CACNA1E: variants seen among roughly 807,000 people sequenced by gnomAD.
CACNA1E encodes voltage-dependent R-type calcium channel subunit alpha-1E.
CACNA1E carries 40 observed loss-of-function variants against 259.2 expected under a neutral mutation model. The observed-to-expected ratio is 0.15, with a 90% CI of 0.12 to 0.20. CACNA1E has a LOEUF of 0.20. Among genes scored for constraint, CACNA1E ranks in the 10% least tolerant of loss-of-function variants. CACNA1E has a pLI of 1.00. For missense variants in CACNA1E, 1,874 were observed against 3,040.1 expected, an observed-to-expected ratio of 0.62 and a Z score of 9.02; for synonymous variants, 1,104 against 1,138.5, an observed-to-expected ratio of 0.97 and a Z score of 0.61.
intron 7 of CACNA1E, among the ~76,000 whole-genome samples, chr1:181,657,777 G>A (rs1659325313): frequency 6.6e-6 from 1 of 152,200 alleles, no homozygotes; most frequent in African/African-American, 2.4e-5. Context: ...AAAAACTGAA[G>A]ACATCGTAAA....
chr1:181,748,942 T>C (rs1657349656), intron 25 of CACNA1E, among the ~76,000 whole-genome samples: 2 of 152,334 alleles, frequency 1.3e-5, no homozygotes, highest in South Asian at 4.1e-4. Flanking sequence ...ACCTACCATA[T>C]GCCCTGTCTT....
At chr1:181,334,133 A>C (rs1199334946) in intron 1 of CACNA1E, among the ~76,000 whole-genome samples, 1 of 151,964 alleles carries the variant, frequency 6.6e-6, no homozygotes, top group African/African-American at 2.4e-5. Context: ...CCAGCAGTCA[A>C]CTCTCAGTTT....
intron 1 of CACNA1E, among the ~76,000 whole-genome samples, chr1:181,376,118 A>G (rs1449253283): frequency 6.6e-6 from 1 of 152,166 alleles, no homozygotes; most frequent in African/African-American, 2.4e-5. Flanking sequence ...ATATTTTTTA[A>G]GTGAATGGAG....
rs1306662895 is a variant in CACNA1E at position 181,445,454 on chromosome 1, G to A, written c.434+31874G>A. On this transcript the variant is annotated intron_variant, in intron 2 of 11. Transcript: ENST00000524607. ...CATGCTTCTGGGTTTCAGGGCTGGA[G>A]AGGATGAAGGATAGGAAGTGAGGAT... Among the ~76,000 whole-genome samples, 5 of 151,020 alleles carry A rather than the reference G, an allele frequency of 3.3e-5. No homozygotes were observed. In the East Asian group the frequency reaches 9.6e-4, roughly 29 times the overall value.
chr1:181,511,559 G>C, intron 3 of CACNA1E, 49 bp downstream of exon 3: 1 of 1,599,702 alleles, frequency 6.3e-7, no homozygotes, highest in Non-Finnish European at 8.5e-7. Context: ...AAGGGGGTTG[G>C]TATCATGAGG....
Position 181,790,483 on chromosome 1 carries a change from C to T in CACNA1E, c.5825C>T (p.Ser1942Phe). 1 of 1,613,526 alleles carries T rather than the reference C, an allele frequency of 6.2e-7. No homozygotes were observed. The highest frequency in any genetic ancestry group is 1.3e-5 in the African/African-American group (1 of 75,022). ...GGATACCCTTCGATGAGTCCACTCT[C>T]TCCCCAGGATATATTCCAGTTGGCT... ...RSGYPSMSPL[S>F]PQDIFQLACM... is the part of the protein sequence containing the mutation. Residue 1942 changes from serine to phenylalanine, a missense_variant, in exon 44 of 48, where the codon TCT becomes TTT. By Grantham distance (155) the Ser-to-Phe change is radical. This residue lies in a region of CACNA1E where 542 missense variants were observed against 587.2 expected (regional missense o/e 0.92). Transcript: ENST00000367573.
At chr1:181,519,935 A>G (rs1666867687) in intron 3 of CACNA1E, among the ~76,000 whole-genome samples, 2 of 152,134 alleles carry the variant, frequency 1.3e-5, no homozygotes, top group Admixed American at 6.5e-5. Flanking sequence ...TGATGATGTA[A>G]CCCATCTCAG....
intron 1 of CACNA1E, among the ~76,000 whole-genome samples, chr1:181,410,173 G>A (rs1426560386): frequency 1.3e-5 from 2 of 152,186 alleles, no homozygotes; most frequent in Non-Finnish European, 2.9e-5. Context: ...TTTAAACATC[G>A]TAGGAATGAA....
At chr1:181,749,993 A>AGCAT (rs1657449086) in intron 25 of CACNA1E, among the ~76,000 whole-genome samples, 1 of 152,252 alleles carries the variant, frequency 6.6e-6, no homozygotes, top group Non-Finnish European at 1.5e-5. Flanking sequence ...ACCCTTTATA[A>AGCAT]GCATAACTGT....
intron 33 of CACNA1E, 127 bp from the exon 34 acceptor site, chr1:181,763,279 G>T (rs944949719): frequency 1.3e-6 from 1 of 753,984 alleles, no homozygotes; most frequent in Admixed American, 2.5e-5. Context: ...AGCTGGAATT[G>T]GGGTTAACAA....
intron 6 of CACNA1E, among the ~76,000 whole-genome samples, chr1:181,638,911 C>T (rs1257523418): frequency 4.6e-5 from 7 of 152,188 alleles, no homozygotes; most frequent in Non-Finnish European, 8.8e-5. Flanking sequence ...AACTGTGAGT[C>T]AGTTAAACCT....
intron 7 of CACNA1E, among the ~76,000 whole-genome samples, chr1:181,687,312 T>C (rs1172457116): frequency 6.6e-6 from 1 of 152,218 alleles, no homozygotes; most frequent in African/African-American, 2.4e-5. Context: ...TATGACTCTT[T>C]ATGCCTTGGG....
At chr1:181,674,516 G>GT (rs748920323) in intron 7 of CACNA1E, among the ~76,000 whole-genome samples, 151 of 151,678 alleles carry the variant, frequency 1.0e-3, no homozygotes, top group Non-Finnish European at 1.9e-3. Context: ...AAAAATACTG[G>GT]ATCTCAGTAG....
At chr1:181,347,156 C>A (rs1321394372) in intron 1 of CACNA1E, among the ~76,000 whole-genome samples, 1 of 152,196 alleles carries the variant, frequency 6.6e-6, no homozygotes, top group Non-Finnish European at 1.5e-5. Flanking sequence ...CGAAGAATGG[C>A]CACCACACTA....
chr1:181,486,174 C>T (rs1663797628), intron 1 of CACNA1E, among the ~76,000 whole-genome samples: 1 of 152,190 alleles, frequency 6.6e-6, no homozygotes, highest in Non-Finnish European at 1.5e-5. Flanking sequence ...AAAAATGGAC[C>T]AAAGAGAGTC....
Position 181,595,937 on chromosome 1 carries a change from C to T in CACNA1E, c.951+15161C>T, listed in dbSNP as rs1178496164. Reference sequence around the variant, plus strand: ...CTGTGTGTGCATGTGGGTGACAGAGCGAAAAGGAAGGTATGGACCTCTCTT... The same window carrying T: ...CTGTGTGTGCATGTGGGTGACAGAGTGAAAAGGAAGGTATGGACCTCTCTT... On this transcript the variant is annotated intron_variant, in intron 6 of 47. Coordinates refer to ENST00000367573, the MANE Select transcript of CACNA1E (RefSeq NM_001205293.3). 3.9e-5 allele frequency among the ~76,000 whole-genome samples: 6 copies of T among 152,006 alleles called. No homozygotes were observed. In the East Asian group the frequency reaches 5.8e-4, roughly 15 times the overall value.
chr1:181,658,605 C>T (rs575418497), intron 7 of CACNA1E, among the ~76,000 whole-genome samples: 26 of 152,240 alleles, frequency 1.7e-4, no homozygotes, highest in Non-Finnish European at 2.9e-4. Flanking sequence ...ACCTGCTTAA[C>T]GGCCTGTGGA....
At chr1:181,714,864 G>C (rs1436883428) in intron 8 of CACNA1E, among the ~76,000 whole-genome samples, 1 of 152,134 alleles carries the variant, frequency 6.6e-6, no homozygotes, top group African/African-American at 2.4e-5. Context: ...CTCCTCCTCA[G>C]AGACATAGAA....
At chr1:181,613,272 T>G (rs1019585515) in intron 6 of CACNA1E, among the ~76,000 whole-genome samples, 6 of 152,162 alleles carry the variant, frequency 3.9e-5, no homozygotes, top group African/African-American at 1.4e-4. Flanking sequence ...GGGCTAGGAG[T>G]GCTGACCACC....
Sources: allele counts gnomAD v4.1 joint callset (sites outside exome capture counted in the v4.1 genomes callset), GRCh38; gene constraint gnomAD v4.1.1; regional missense constraint gnomAD v4.1.1; transcripts MANE v1.5; gene names NCBI Gene and HGNC (gene_info 2026-07-23, HGNC 2026-07-21).